AUTS2: variants seen among roughly 807,000 people sequenced by gnomAD.
AUTS2 encodes the protein activator of transcription and developmental regulator AUTS2, also known as autism susceptibility gene 2 protein.
Under a neutral mutation model 112.4 loss-of-function variants are expected in AUTS2, and 17 were observed. The observed-to-expected ratio is 0.15, with a 90% confidence interval of 0.10 to 0.23. AUTS2 has a LOEUF of 0.23. AUTS2 is among the 10% of genes least tolerant of loss of function. AUTS2 has a pLI of 1.00. For missense variants in AUTS2, 1,510 were observed against 1,701.6 expected (o/e 0.89, Z 1.98); for synonymous variants, 751 against 702.7 (o/e 1.07, Z -1.09).
At chr7:70,000,323 T>G (rs1466593072) in intron 2 of AUTS2, among the ~76,000 whole-genome samples, 1 of 152,166 alleles carries the variant, frequency 6.6e-6, no homozygotes, top group Non-Finnish European at 1.5e-5. Flanking sequence ...GTATCCAGCG[T>G]CACAGGGCCT....
intron 5 of AUTS2, among the ~76,000 whole-genome samples, chr7:70,638,928 T>C (rs1805664407): frequency 6.6e-6 from 1 of 152,222 alleles, no homozygotes; most frequent in African/African-American, 2.4e-5. Context: ...CTCTCTATAA[T>C]GTGTTCAACT....
At chr7:70,649,346 G>A (rs1172887622) in intron 5 of AUTS2, among the ~76,000 whole-genome samples, 1 of 152,054 alleles carries the variant, frequency 6.6e-6, no homozygotes, top group Non-Finnish European at 1.5e-5. Flanking sequence ...GTGGCAATGA[G>A]CCAAGATCAT....
intron 1 of AUTS2, among the ~76,000 whole-genome samples, chr7:69,736,964 TA>T (rs1196325537): frequency 5.3e-5 from 8 of 152,264 alleles, no homozygotes; most frequent in Non-Finnish European, 1.2e-4. Context: ...ATTTCACATT[TA>T]AAAAAATCCA....
chr7:70,783,677 T>C (rs750358226), intron 15 of AUTS2: 4 of 152,218 alleles, frequency 2.6e-5, no homozygotes, highest in African/African-American at 4.8e-5. Context: ...TGGTGAACCT[T>C]GTAACTGATG....
chr7:70,707,012 C>T (rs1241048418), intron 6 of AUTS2, among the ~76,000 whole-genome samples: 1 of 152,146 alleles, frequency 6.6e-6, no homozygotes, highest in Non-Finnish European at 1.5e-5. Context: ...CACCTTAGAA[C>T]CAATTTTTCC....
intron 1 of AUTS2, among the ~76,000 whole-genome samples, chr7:69,613,769 C>T (rs1201055691): frequency 6.6e-6 from 1 of 152,058 alleles, no homozygotes; most frequent in Non-Finnish European, 1.5e-5. Flanking sequence ...TAAAAGAGAC[C>T]TTGTTTTGAG....
At position 69,779,790 on chromosome 7, in the gene AUTS2, A is replaced by T. The variant is rs559394062; in HGVS notation, c.310-119496A>T. Among the ~76,000 whole-genome samples the T allele has an allele frequency of 2.4e-4, 36 of 151,564 alleles. 2 individuals carry two copies. The highest frequency in any genetic ancestry group is 1.0e-3 in the South Asian group (5 of 4,798). On this transcript the variant is annotated intron_variant, in intron 1 of 18. Transcript: ENST00000342771. ...AAAAAAAAAAAAAAAATTAAAAAAA[A>T]ATATATATATGGAAATACATTTTCT...
intron 1 of AUTS2, among the ~76,000 whole-genome samples, chr7:69,807,032 A>G (rs1310034508): frequency 6.6e-6 from 1 of 152,068 alleles, no homozygotes; most frequent in Non-Finnish European, 1.5e-5. Flanking sequence ...TTGCTCTTGT[A>G]ATGTTTAGTT....
intron 2 of AUTS2, among the ~76,000 whole-genome samples, chr7:70,048,929 A>T (rs1563064741): frequency 6.6e-6 from 1 of 152,218 alleles, no homozygotes. Context: ...TGACTTTTTT[A>T]AAAAACTTAC....
chr7:70,017,843 C>A (rs900424455), intron 2 of AUTS2, among the ~76,000 whole-genome samples: 1 of 147,742 alleles, frequency 6.8e-6, no homozygotes, highest in African/African-American at 2.5e-5. Flanking sequence ...TTATAGATTT[C>A]TTTTATATAT....
At chr7:70,530,150 G>C (rs551555386) in intron 5 of AUTS2, among the ~76,000 whole-genome samples, 2 of 152,176 alleles carry the variant, frequency 1.3e-5, no homozygotes, top group South Asian at 2.1e-4. Context: ...GATTGGGAAG[G>C]GGGTGTTGCT....
chr7:70,644,083 G>A (rs990482585), intron 5 of AUTS2, among the ~76,000 whole-genome samples: 1 of 152,128 alleles, frequency 6.6e-6, no homozygotes, highest in African/African-American at 2.4e-5. Flanking sequence ...TGCTTCCGTT[G>A]ATTTTTCCCA....
At chr7:70,313,838 C>G (rs910686802) in intron 4 of AUTS2, among the ~76,000 whole-genome samples, 5 of 152,184 alleles carry the variant, frequency 3.3e-5, no homozygotes, top group Admixed American at 6.5e-5. Context: ...CTGCTTATCC[C>G]CCCGTGGAGA....
At chr7:70,690,367 T>C (rs2129546289) in intron 5 of AUTS2, among the ~76,000 whole-genome samples, 1 of 152,358 alleles carries the variant, frequency 6.6e-6, no homozygotes, top group East Asian at 1.9e-4. Context: ...TCACCCTCCT[T>C]CAATCACCTA....
At chr7:70,001,492 A>G (rs1563027863) in intron 2 of AUTS2, among the ~76,000 whole-genome samples, 2 of 152,104 alleles carry the variant, frequency 1.3e-5, no homozygotes, top group Non-Finnish European at 2.9e-5. Flanking sequence ...GGTGGTTGGT[A>G]TAGTGCTGAG....
chr7:69,865,483 A>G (rs1397511211), intron 1 of AUTS2, among the ~76,000 whole-genome samples: 1 of 152,118 alleles, frequency 6.6e-6, no homozygotes, highest in Non-Finnish European at 1.5e-5. Flanking sequence ...GTTGACAGGG[A>G]TGAAATCTCA....
intron 2 of AUTS2, among the ~76,000 whole-genome samples, chr7:70,000,961 C>T (rs1799165158): frequency 6.6e-6 from 1 of 152,210 alleles, no homozygotes. Context: ...TTCAACCCAG[C>T]CTTCTGCCAG....
chr7:70,590,560 T>G (rs1396121401), intron 5 of AUTS2, among the ~76,000 whole-genome samples: 1 of 152,208 alleles, frequency 6.6e-6, no homozygotes, highest in Admixed American at 6.5e-5. Context: ...TAATTTCCTT[T>G]TCCCAAGCTC....
At chr7:70,418,445 G>A (rs68173070) in intron 4 of AUTS2, among the ~76,000 whole-genome samples, 3 of 152,228 alleles carry the variant, frequency 2.0e-5, no homozygotes, top group South Asian at 4.1e-4. Context: ...TCACAGTAAG[G>A]TGCAGCCACT....
Sources: allele counts gnomAD v4.1 joint callset (sites outside exome capture counted in the v4.1 genomes callset), GRCh38; gene constraint gnomAD v4.1.1; transcripts MANE v1.5; gene names NCBI Gene and HGNC (gene_info 2026-07-23, HGNC 2026-07-21).